The following KCTD16 variants were observed in gnomAD, a reference collection of about 807,000 sequenced individuals.
KCTD16 encodes the protein potassium channel tetramerization domain containing 16.
KCTD16 carries 13 observed loss-of-function variants against 33.2 expected under a neutral mutation model. That is an observed-to-expected ratio of 0.39 (90% CI 0.25 to 0.62). The LOEUF (loss-of-function observed/expected upper bound fraction) is 0.62, where lower values mean the gene tolerates loss of function less well. KCTD16 is among the 20% of genes least tolerant of loss of function. KCTD16 has a pLI of 0.50. For synonymous variants in KCTD16, 197 were observed against 195.3 expected, an observed-to-expected ratio of 1.01 and a Z score of -0.07; for missense variants, 441 against 525.1, an observed-to-expected ratio of 0.84 and a Z score of 1.57.
chr5:144,196,070 A>C (rs960767650), intron 2 of KCTD16, among the ~76,000 whole-genome samples: 2 of 152,226 alleles, frequency 1.3e-5, no homozygotes, highest in African/African-American at 4.8e-5. Context: ...TTCCTTGTAC[A>C]AATAGATACA....
intron 3 of KCTD16, among the ~76,000 whole-genome samples, chr5:144,405,736 T>C (rs1035907930): frequency 1.3e-4 from 20 of 152,180 alleles, no homozygotes; most frequent in Non-Finnish European, 5.9e-5. Flanking sequence ...TTGGTTGGGC[T>C]TTTGTTGGCA....
At chr5:144,407,952 C>T (rs1752848867) in intron 3 of KCTD16, among the ~76,000 whole-genome samples, 1 of 152,180 alleles carries the variant, frequency 6.6e-6, no homozygotes, top group Non-Finnish European at 1.5e-5. Flanking sequence ...CATTGATAGG[C>T]ATTTGGATTG....
intron 3 of KCTD16, among the ~76,000 whole-genome samples, chr5:144,445,142 C>A (rs572945729): frequency 6.6e-6 from 1 of 151,782 alleles, no homozygotes; most frequent in African/African-American, 2.4e-5. Context: ...TTTGACATTT[C>A]TCTAGGACAC....
intron 3 of KCTD16, among the ~76,000 whole-genome samples, chr5:144,365,139 A>C (rs542185941): frequency 4.9e-4 from 74 of 152,152 alleles, no homozygotes; most frequent in Non-Finnish European, 8.1e-4. Flanking sequence ...TATTTTTAAT[A>C]ATTTCCAGGA....
At chr5:144,406,569 C>G (rs1370459618) in intron 3 of KCTD16, among the ~76,000 whole-genome samples, 2 of 152,148 alleles carry the variant, frequency 1.3e-5, no homozygotes, top group African/African-American at 2.4e-5. Context: ...CCTTATTATT[C>G]TGTGGTCGAG....
chr5:144,257,319 A>G (rs9324944), intron 3 of KCTD16, among the ~76,000 whole-genome samples: 149,243 of 152,270 alleles, frequency 0.98, 73,153 homozygotes, highest in East Asian at 1. Context: ...GCTCAAGATG[A>G]CAAGATCAAC....
At chr5:144,301,541 C>T (rs1036814439) in intron 3 of KCTD16, among the ~76,000 whole-genome samples, 24 of 152,100 alleles carry the variant, frequency 1.6e-4, no homozygotes, top group Admixed American at 9.2e-4. Context: ...TTGTTTCTAG[C>T]GAAATTCTAT....
At chr5:144,333,145 A>G (rs967932780) in intron 3 of KCTD16, among the ~76,000 whole-genome samples, 4 of 152,188 alleles carry the variant, frequency 2.6e-5, no homozygotes, top group Admixed American at 1.3e-4. Flanking sequence ...ATCAGTAAAT[A>G]TGTTATAATG....
intron 3 of KCTD16, among the ~76,000 whole-genome samples, chr5:144,314,075 T>C (rs4912970): frequency 0.34 from 51,580 of 151,954 alleles, 9,557 homozygotes; most frequent in African/African-American, 0.49. Context: ...AGCTAAACCC[T>C]ATTTACAAGA....
At chr5:144,307,111 C>A (rs1469257051) in intron 3 of KCTD16, among the ~76,000 whole-genome samples, 1 of 152,196 alleles carries the variant, frequency 6.6e-6, no homozygotes, top group Non-Finnish European at 1.5e-5. Context: ...CACAGGTCTT[C>A]TTGCTGCTGT....
intron 3 of KCTD16, among the ~76,000 whole-genome samples, chr5:144,357,140 C>G (rs1451574276): frequency 6.6e-6 from 1 of 151,164 alleles, no homozygotes; most frequent in Admixed American, 6.6e-5. Flanking sequence ...TTATAGGTTG[C>G]CAACTTCAGC....
chr5:144,385,164 C>A (rs1752296825), intron 3 of KCTD16: 1 of 152,148 alleles, frequency 6.6e-6, no homozygotes, highest in Admixed American at 6.5e-5. Context: ...TCTATTATAG[C>A]TGTCACTAAA....
At chr5:144,421,571 C>G (rs1229468291) in intron 3 of KCTD16, among the ~76,000 whole-genome samples, 1 of 152,106 alleles carries the variant, frequency 6.6e-6, no homozygotes, top group Non-Finnish European at 1.5e-5. Context: ...GAGAGTGACT[C>G]AGTGCTGAAG....
At chr5:144,454,436 T>TAG (rs1754016307) in intron 3 of KCTD16, among the ~76,000 whole-genome samples, 1 of 151,040 alleles carries the variant, frequency 6.6e-6, no homozygotes, top group African/African-American at 2.5e-5. Flanking sequence ...CCCCTGATAA[T>TAG]ATATACAGAA....
intron 3 of KCTD16, among the ~76,000 whole-genome samples, chr5:144,386,947 T>G (rs1448031748): frequency 6.6e-6 from 1 of 151,994 alleles, no homozygotes; most frequent in Non-Finnish European, 1.5e-5. Context: ...ATAGCTTACA[T>G]CTGTAGAGCC....
chr5:144,428,298 C>G (rs1428559069), intron 3 of KCTD16, among the ~76,000 whole-genome samples: 1 of 152,124 alleles, frequency 6.6e-6, no homozygotes, highest in Non-Finnish European at 1.5e-5. Flanking sequence ...CTCTAGACAC[C>G]AATATCCTGT....
chr5:144,259,783 T>C (rs1017914965), intron 3 of KCTD16, among the ~76,000 whole-genome samples: 1 of 152,206 alleles, frequency 6.6e-6, no homozygotes, highest in Admixed American at 6.5e-5. Context: ...CAGATGCAAG[T>C]AGGTGACCTG....
At chr5:144,242,228 A>G (rs1370452586) in intron 3 of KCTD16, among the ~76,000 whole-genome samples, 1 of 152,094 alleles carries the variant, frequency 6.6e-6, no homozygotes, top group Non-Finnish European at 1.5e-5. Context: ...TCTAGGGGCC[A>G]TGTACTGACA....
intron 2 of KCTD16, among the ~76,000 whole-genome samples, chr5:144,190,092 G>A (rs1001706958): frequency 6.6e-6 from 1 of 151,960 alleles, no homozygotes; most frequent in Non-Finnish European, 1.5e-5. Flanking sequence ...CACCCCACCC[G>A]CAGCCAGGCA....
Sources: gnomAD v4.1 joint callset for allele counts (sites outside exome capture counted in the v4.1 genomes callset) on GRCh38, gnomAD v4.1.1 for gene constraint, MANE v1.5 for transcripts, NCBI Gene and HGNC (gene_info 2026-07-23, HGNC 2026-07-21) for gene names.